The following PKD2 variants were observed in gnomAD, a reference collection of about 807,000 sequenced individuals.
PKD2 encodes polycystin 2, transient receptor potential cation channel.
Under a neutral mutation model 105.9 loss-of-function variants are expected in PKD2, and 48 were observed. The ratio of observed to expected loss-of-function variants is 0.45; its 90% CI spans 0.36 to 0.58. The LOEUF (loss-of-function observed/expected upper bound fraction) is 0.58, where lower values mean the gene tolerates loss of function less well. PKD2 is among the 20% of genes least tolerant of loss of function. PKD2 has a pLI of 0.00. For missense variants in PKD2, 1,078 were observed against 1,255.3 expected (o/e 0.86, Z 2.13); for synonymous variants, 464 against 481.1 (o/e 0.96, Z 0.46).
At chr4:88,022,187 T>C (rs150087867) in intron 2 of PKD2, among the ~76,000 whole-genome samples, 80 of 152,356 alleles carry the variant, frequency 5.3e-4, no homozygotes, top group Middle Eastern at 3.4e-3. Context: ...GACTCCTCTT[T>C]CAACCCTGTT....
At chr4:88,011,214 A>G (rs376239441) in intron 1 of PKD2, among the ~76,000 whole-genome samples, 208 of 152,296 alleles carry the variant, frequency 1.4e-3, no homozygotes, top group African/African-American at 4.7e-3. Context: ...AAGATAAAAT[A>G]TGGCACTCTG....
At chr4:88,053,776 A>C (rs1156505271) in intron 7 of PKD2, among the ~76,000 whole-genome samples, 1 of 152,188 alleles carries the variant, frequency 6.6e-6, no homozygotes, top group East Asian at 1.9e-4. Context: ...ACATAGTAAT[A>C]ATAATCAAAC....
intron 12 of PKD2, among the ~76,000 whole-genome samples, chr4:88,066,551 G>A (rs1002500248): frequency 2.6e-5 from 4 of 151,790 alleles, no homozygotes; most frequent in Non-Finnish European, 4.4e-5. Flanking sequence ...TAGTAGATAT[G>A]GGGTTTCACC....
intron 12 of PKD2, among the ~76,000 whole-genome samples, chr4:88,066,524 G>A (rs916195781): frequency 1.3e-5 from 2 of 152,016 alleles, no homozygotes; most frequent in Non-Finnish European, 2.9e-5. Context: ...ATCATGCCCG[G>A]CTAATTTTTG....
chr4:88,016,574 A>C (rs1357785721), intron 1 of PKD2, among the ~76,000 whole-genome samples: 1 of 152,222 alleles, frequency 6.6e-6, no homozygotes, highest in Non-Finnish European at 1.5e-5. Flanking sequence ...CTGTACCCTA[A>C]GATTGGTCCT....
At chr4:88,030,978 A>G (rs909830503) in intron 2 of PKD2, among the ~76,000 whole-genome samples, 9 of 152,200 alleles carry the variant, frequency 5.9e-5, no homozygotes, top group Non-Finnish European at 1.5e-5. Flanking sequence ...GATGGTCCCC[A>G]ACTTACGATG....
chr4:88,033,470 G>A (rs1215657028), intron 2 of PKD2, among the ~76,000 whole-genome samples: 1 of 151,734 alleles, frequency 6.6e-6, no homozygotes, highest in African/African-American at 2.4e-5. Context: ...CTTCAAAGCT[G>A]GAAGGCATTA....
At chr4:88,069,622 T>C (rs1259945025) in intron 13 of PKD2, among the ~76,000 whole-genome samples, 1 of 152,092 alleles carries the variant, frequency 6.6e-6, no homozygotes, top group East Asian at 1.9e-4. Context: ...CTACATATGT[T>C]GCAAATCACA....
At chr4:88,012,207 A>G (rs757608216) in intron 1 of PKD2, among the ~76,000 whole-genome samples, 8 of 152,200 alleles carry the variant, frequency 5.3e-5, no homozygotes, top group Non-Finnish European at 1.0e-4. Flanking sequence ...TTTTGTTTTT[A>G]TCCTCACAAC....
chr4:88,059,674 G>A (rs965132206), intron 9 of PKD2, among the ~76,000 whole-genome samples: 12 of 151,834 alleles, frequency 7.9e-5, no homozygotes, highest in African/African-American at 2.7e-4. Flanking sequence ...TTGTTTTTTT[G>A]TACGACTGCA....
At chr4:88,034,099 G>T (rs866606538) in intron 2 of PKD2, among the ~76,000 whole-genome samples, 6 of 152,048 alleles carry the variant, frequency 3.9e-5, no homozygotes, top group African/African-American at 1.4e-4. Context: ...TCTTAACTCT[G>T]CCCCAAGACA....
chr4:88,063,539 AAAAAG>A (rs557952189), intron 10 of PKD2, among the ~76,000 whole-genome samples: 235 of 152,136 alleles, frequency 1.5e-3, no homozygotes, highest in East Asian at 5.6e-3. Context: ...CTCAAAAAAA[AAAAAG>A]AAAAGAAAAG....
At chr4:88,073,190 A>G (rs911685211) in intron 13 of PKD2, among the ~76,000 whole-genome samples, 5 of 127,740 alleles carry the variant, frequency 3.9e-5, no homozygotes, top group African/African-American at 1.5e-4. Context: ...GTCTCTATTA[A>G]AAAAAAAAAA....
At chr4:88,024,419 T>C (rs1726873916) in intron 2 of PKD2, among the ~76,000 whole-genome samples, 2 of 118,810 alleles carry the variant, frequency 1.7e-5, no homozygotes, top group Non-Finnish European at 3.2e-5. Flanking sequence ...ATTGTACCAC[T>C]GCACTCCAGC....
At chr4:88,048,077 G>A (rs1307442106) in intron 6 of PKD2, among the ~76,000 whole-genome samples, 2 of 152,136 alleles carry the variant, frequency 1.3e-5, no homozygotes, top group Non-Finnish European at 2.9e-5. Context: ...AAGTCCAGTT[G>A]TACATTTAAG....
Position 88,052,048 on chromosome 4 carries a change from C to G in PKD2, c.1606C>G (p.Leu536Val). 1 of 1,602,334 alleles carries G rather than the reference C, an allele frequency of 6.2e-7. No individual in the cohort carries two copies. The highest frequency in any genetic ancestry group is 1.3e-5 in the African/African-American group (1 of 74,798). ...CAGAACATCAAATGTGGAGGTGCTACTACAGTTTCTGGAAGATCAAAATAC... is the reference window on the plus strand; with the variant it reads ...CAGAACATCAAATGTGGAGGTGCTAGTACAGTTTCTGGAAGATCAAAATAC... ...IYRTSNVEVL[L>V]QFLEDQNTFP... Residue 536 changes from leucine (L) to valine (V), a missense_variant, in exon 7 of 15, where the codon CTA becomes GTA. By Grantham distance (32) the Leu-to-Val change is conservative. This residue lies in a region of PKD2 where 868 missense variants were observed against 1,067.3 expected (regional missense o/e 0.81). Coordinates refer to ENST00000237596, the MANE Select transcript of PKD2 (RefSeq NM_000297.4).
chr4:88,070,629 AAG>A (rs1254772673), intron 13 of PKD2, among the ~76,000 whole-genome samples: 2 of 87,542 alleles, frequency 2.3e-5, no homozygotes, highest in African/African-American at 3.9e-5. Context: ...GAGAGAGAGA[AAG>A]AGAGAGAGAG....
At position 88,075,070 on chromosome 4, in the gene PKD2, G is replaced by A. The variant is rs113372849; in HGVS notation, c.2670+111G>A. The A allele has an allele frequency of 6.4e-4, 767 of 1,191,086 alleles. 15 individuals are homozygous for A. In the South Asian group the frequency reaches 8.3e-3, roughly 13 times the overall value. The allele number at this position is 1,191,086 out of a possible 1,614,324, so 73.8% of individuals were successfully genotyped here. A position where few individuals can be genotyped will look rare whatever the true frequency, so the allele number is the denominator to read the frequency against. The stretch of plus-strand genomic sequence containing the variant: ...TTGAAGAAGAGTAAAAAAAATTTAC[G>A]TTTATAGAAATTCACAATGATGTTT... On this transcript the variant is annotated intron_variant, in intron 14 of 14. Coordinates refer to ENST00000237596, the MANE Select transcript of PKD2 (RefSeq NM_000297.4).
intron 12 of PKD2, 28 bp from the exon 13 acceptor site, chr4:88,067,869 TC>T: frequency 6.2e-7 from 1 of 1,607,770 alleles, no homozygotes; most frequent in Non-Finnish European, 8.5e-7. Context: ...AGTGTTCTGC[TC>T]CTCACTCAGT....
Sources: allele counts gnomAD v4.1 joint callset (sites outside exome capture counted in the v4.1 genomes callset), GRCh38; gene constraint gnomAD v4.1.1; regional missense constraint gnomAD v4.1.1; transcripts MANE v1.5; gene names NCBI Gene and HGNC (gene_info 2026-07-23, HGNC 2026-07-21).